NT5C2: variants seen among roughly 807,000 people sequenced by gnomAD.
NT5C2 encodes cytosolic purine 5'-nucleotidase.
Under a neutral mutation model 76.1 loss-of-function variants are expected in NT5C2, and 58 were observed. The observed-to-expected ratio is 0.76, with a 90% CI of 0.62 to 0.95. The LOEUF (loss-of-function observed/expected upper bound fraction) is 0.95. NT5C2 is among the 40% of genes least tolerant of loss of function. The pLI is 0.00. For missense variants in NT5C2, 478 were observed against 690.3 expected (o/e 0.69, Z 3.45); for synonymous variants, 229 against 237.4 (o/e 0.96, Z 0.32).
chr10:103,157,863 A>G (rs2083779492), intron 3 of NT5C2, among the ~76,000 whole-genome samples: 1 of 152,106 alleles, frequency 6.6e-6, no homozygotes, highest in Non-Finnish European at 1.5e-5. Flanking sequence ...TCGTGAGGTC[A>G]AGAAATTGAG....
chr10:103,100,157 C>T, intron 8 of NT5C2, 138 bp from the exon 9 acceptor site: 1 of 574,120 alleles, frequency 1.7e-6, no homozygotes, highest in Admixed American at 3.0e-5. Context: ...TAATTACTCC[C>T]TAATGAAAGT....
At chr10:103,114,068 T>C (rs2073734638) in intron 4 of NT5C2, among the ~76,000 whole-genome samples, 1 of 152,198 alleles carries the variant, frequency 6.6e-6, no homozygotes. Flanking sequence ...TGTTCCCAAT[T>C]GCGTGATAAC....
intron 4 of NT5C2, among the ~76,000 whole-genome samples, chr10:103,122,064 C>A (rs1316861820): frequency 6.6e-6 from 1 of 152,086 alleles, no homozygotes; most frequent in Non-Finnish European, 1.5e-5. Flanking sequence ...ATCCCAGCTA[C>A]TTGGGAGACT....
In NT5C2 at chr10:103,136,043, C is replaced by T. The variant is rs369041411; in HGVS notation, c.175+3363G>A. Among the ~76,000 whole-genome samples, 16 of 152,256 alleles carry T rather than the reference C, an allele frequency of 1.1e-4. No individual in the cohort carries two copies. The East Asian group carries it at 2.9e-3, about 28-fold the overall frequency. On this transcript the variant is annotated intron_variant, in intron 4 of 18. Coordinates refer to ENST00000404739, the MANE Select transcript of NT5C2 (RefSeq NM_001351169.2). ...CACAGGTTGCAGTGAGCCAGGATTG[C>T]ACCATTGCACTCCAGCCTGGGAGAC...
chr10:103,098,286 C>A, intron 10 of NT5C2: 1 of 263,070 alleles, frequency 3.8e-6, no homozygotes. Flanking sequence ...TGGTACAATA[C>A]TATTAACCAC....
intron 3 of NT5C2, chr10:103,146,196 G>T (rs889248558): frequency 1.0e-6 from 1 of 985,296 alleles, no homozygotes; most frequent in African/African-American, 1.7e-5. Context: ...TGTATCTTCC[G>T]AGACAGTGCT....
intron 11 of NT5C2, among the ~76,000 whole-genome samples, chr10:103,096,845 CAAAAAA>C (rs71019656): frequency 6.4e-5 from 2 of 31,372 alleles, no homozygotes; most frequent in Admixed American, 3.8e-4. Context: ...GACTCTGTCT[CAAAAAA>C]AAAAAAAAAA....
At chr10:103,118,844 A>AT (rs796947907) in intron 4 of NT5C2, among the ~76,000 whole-genome samples, 17 of 149,148 alleles carry the variant, frequency 1.1e-4, no homozygotes, top group South Asian at 6.4e-4. Context: ...TGGAGAGGGA[A>AT]TTTTTTTTTT....
intron 10 of NT5C2, chr10:103,098,264 T>A (rs1488244374): frequency 3.3e-6 from 1 of 298,976 alleles, no homozygotes; most frequent in Non-Finnish European, 6.4e-6. Context: ...ATGAAAAGTA[T>A]GAAATTAACA....
At chr10:103,152,237 T>C in intron 3 of NT5C2, among the ~76,000 whole-genome samples, 1 of 152,166 alleles carries the variant, frequency 6.6e-6, no homozygotes, top group East Asian at 1.9e-4. Context: ...TATACCAACC[T>C]AAAAAGGCAG....
At chr10:103,187,564 A>C (rs1415187848) in intron 1 of NT5C2, among the ~76,000 whole-genome samples, 1 of 151,844 alleles carries the variant, frequency 6.6e-6, no homozygotes, top group Non-Finnish European at 1.5e-5. Flanking sequence ...AAAAAAAAAA[A>C]AAAAAAAACT....
At chr10:103,180,247 T>A (rs1415397247) in intron 2 of NT5C2, among the ~76,000 whole-genome samples, 2 of 152,148 alleles carry the variant, frequency 1.3e-5, no homozygotes, top group Non-Finnish European at 2.9e-5. Flanking sequence ...AAAAAGACAG[T>A]ATCAAATGTT....
intron 3 of NT5C2, among the ~76,000 whole-genome samples, chr10:103,162,074 G>A (rs973249537): frequency 6.6e-6 from 1 of 152,122 alleles, no homozygotes; most frequent in African/African-American, 2.4e-5. Flanking sequence ...GGAGTGCAGT[G>A]GTGCAATCTT....
rs1417196917 is a variant in NT5C2, at chr10:103,088,515, G to A, written c.*1157C>T. ...TTCTCCTGCCTCAGCCTCCTGAGTA[G>A]ATGATGGGATTACAGGCATGCACCA... is the stretch of plus-strand genomic sequence containing the variant. On this transcript the variant is annotated 3_prime_UTR_variant, in exon 19 of 19. Transcript: ENST00000404739. 2 of 152,496 alleles carry A rather than the reference G, an allele frequency of 1.3e-5. No homozygotes were observed. The highest frequency in any genetic ancestry group is 3.8e-4 in the East Asian group (2 of 5,242). The allele number at this position is 152,496 out of a possible 1,614,324, so 9.4% of individuals were successfully genotyped here.
chr10:103,115,262 C>T (rs1250410627), intron 4 of NT5C2, among the ~76,000 whole-genome samples: 2 of 151,932 alleles, frequency 1.3e-5, no homozygotes, highest in African/African-American at 2.4e-5. Flanking sequence ...ATTAGCCGGG[C>T]ATGGCAGTGT....
chr10:103,139,470 C>A lies in NT5C2; in HGVS notation c.111G>T (p.Val37=). 6.4e-7 allele frequency: 1 copy of A among 1,570,748 alleles called. No homozygotes were observed. Among genetic ancestry groups the A allele is most frequent in the South Asian group, 1.2e-5 (1 of 86,386 alleles). The change falls in exon 4 of 19, where the codon GTG becomes GTT. Residue 37 remains valine (V), a synonymous_variant. Coordinates refer to ENST00000404739, the MANE Select transcript of NT5C2 (RefSeq NM_001351169.2). ...YRREAYHRVF[V]NRSLAMEKIK... The stretch of plus-strand genomic sequence containing the variant: ...TCTTTTCCATTGCTAAACTTCGGTT[C>A]ACAAACACCCTATAGAAAATAATAA...
intron 4 of NT5C2, among the ~76,000 whole-genome samples, chr10:103,123,994 C>G (rs1289412958): frequency 6.6e-6 from 1 of 152,190 alleles, no homozygotes; most frequent in African/African-American, 2.4e-5. Flanking sequence ...CCCCCACTTT[C>G]TACCATTATG....
intron 1 of NT5C2, among the ~76,000 whole-genome samples, chr10:103,187,026 G>A (rs1021334302): frequency 6.6e-6 from 1 of 151,668 alleles, no homozygotes; most frequent in African/African-American, 2.4e-5. Context: ...TGAGGTGGGC[G>A]GATCACCTGA....
chr10:103,167,411 A>G (rs970494959), intron 3 of NT5C2, among the ~76,000 whole-genome samples: 1 of 152,162 alleles, frequency 6.6e-6, no homozygotes, highest in Non-Finnish European at 1.5e-5. Context: ...GGCTACTGAA[A>G]TTTTAACAAT....
Sources: gnomAD v4.1 joint callset for allele counts (sites outside exome capture counted in the v4.1 genomes callset) on GRCh38, gnomAD v4.1.1 for gene constraint, MANE v1.5 for transcripts, NCBI Gene and HGNC (gene_info 2026-07-23, HGNC 2026-07-21) for gene names.